Variants in PRPF8 observed in about 807,000 individuals in gnomAD.
PRPF8 encodes pre-mRNA-processing-splicing factor 8.
In PRPF8, 64 loss-of-function variants were observed where a neutral mutation model predicts 285.9. The ratio of observed to expected loss-of-function variants is 0.22; its 90% CI spans 0.18 to 0.28. The LOEUF is 0.28. PRPF8 is among the 10% of genes least tolerant of loss of function. PRPF8 has a pLI of 1.00. For missense variants in PRPF8, 1,426 were observed against 3,026.7 expected, an observed-to-expected ratio of 0.47 and a Z score of 12.41; for synonymous variants, 1,325 against 1,118.2, an observed-to-expected ratio of 1.18 and a Z score of -3.69.
chr17:1,660,365 A>C, intron 30 of PRPF8, 67 bp downstream of exon 30: 1 of 1,607,326 alleles, frequency 6.2e-7, no homozygotes, highest in Non-Finnish European at 8.5e-7. Flanking sequence ...TCTGTACAGT[A>C]CCCTCTCCCC....
intron 39 of PRPF8, chr17:1,652,607 A>C (rs975280327): frequency 6.5e-6 from 1 of 153,576 alleles, no homozygotes; most frequent in African/African-American, 2.4e-5. Context: ...AGGCAGTGAC[A>C]TGATCTCAGC....
chr17:1,662,593 G>GAAA (rs113600062), intron 24 of PRPF8, among the ~76,000 whole-genome samples: 10 of 132,824 alleles, frequency 7.5e-5, no homozygotes, highest in African/African-American at 2.8e-4. Flanking sequence ...CATCTCAGGG[G>GAAA]AAAAAAAAAA....
At chr17:1,654,663 GCT>G (rs1911259867) in intron 37 of PRPF8, 1 of 174,168 alleles carries the variant, frequency 5.7e-6, no homozygotes. Context: ...CAAGAGTCTC[GCT>G]CTGTTACCCA....
rs780328989 is a variant in PRPF8, at chr17:1,651,324, G to A, written c.6651-14C>T. On this transcript the variant is annotated splice_polypyrimidine_tract_variant and intron_variant, in intron 41 of 42. Transcript: ENST00000304992. This position sits in a 1 kb window ranked among gnomAD's most constrained non-coding sequence, Gnocchi z 5.1. ...CCTGGCGTGAAGCTGGGGGAGGAAC[G>A]AGGACAGAGTAACAGCTCAGGCCAC... is the stretch of plus-strand genomic sequence containing the variant. 65 of 1,613,976 alleles carry A rather than the reference G, an allele frequency of 4.0e-5. No homozygotes were observed. The Middle Eastern group carries it at 1.2e-3, about 29-fold the overall frequency.
rs552188159 is a variant in PRPF8, at chr17:1,675,502, C to A, written c.2872+118G>T. On this transcript the variant is annotated intron_variant, in intron 19 of 42. Coordinates refer to ENST00000304992, the MANE Select transcript of PRPF8 (RefSeq NM_006445.4). This position sits in a 1 kb window ranked among gnomAD's most constrained non-coding sequence, Gnocchi z 6.0. Reference sequence around the variant, plus strand: ...TTTCCTCAGTTTAACACGAACACTACTTCCCTTTACTACCACGCATCAAGA... The same window carrying A: ...TTTCCTCAGTTTAACACGAACACTAATTCCCTTTACTACCACGCATCAAGA... 2.7e-5 allele frequency: 39 copies of A among 1,465,708 alleles called. No homozygotes were observed. In the South Asian group the frequency reaches 4.2e-4, roughly 16 times the overall value. The allele number at this position is 1,465,708 out of a possible 1,614,324, so 90.8% of individuals were successfully genotyped here. A position where few individuals can be genotyped will look rare whatever the true frequency, so the allele number is the denominator to read the frequency against.
chr17:1,675,690 G>C lies in PRPF8; in HGVS notation c.2802C>G (p.Arg934=). 7 of 1,614,142 alleles carry C rather than the reference G, an allele frequency of 4.3e-6. No individual in the cohort carries two copies. Among genetic ancestry groups the C allele is most frequent in the Non-Finnish European group, 5.9e-6 (7 of 1,180,036 alleles). The part of the protein sequence containing the change: ...QYLWYEADKR[R]LFPPWIKPAD... ...CAGGCTTAATCCAGGGTGGGAACAGGCGGCGCTTGTCGGCTTCATACCACA... is the reference window on the plus strand; with the variant it reads ...CAGGCTTAATCCAGGGTGGGAACAGCCGGCGCTTGTCGGCTTCATACCACA... The change falls in exon 19 of 43, where the codon CGC becomes CGG. Residue 934 remains arginine (R), a synonymous_variant. Transcript: ENST00000304992. The surrounding 1 kb of genome is among the most constrained non-coding windows in gnomAD (Gnocchi z 6.0).
At chr17:1,670,153 A>G (rs768422795) in intron 24 of PRPF8, among the ~76,000 whole-genome samples, 16 of 152,228 alleles carry the variant, frequency 1.1e-4, no homozygotes, top group Middle Eastern at 3.2e-3. Context: ...ACATGTGTAT[A>G]TATGTACTTA....
Position 1,674,441 on chromosome 17 carries a change from C to T in PRPF8, c.3299+1G>A. ...GGCTAGGAATCCAGGAAAGCCCTCACCTGAAAAAAATATGGATGCGATCAA... is the reference window on the plus strand; with the variant it reads ...GGCTAGGAATCCAGGAAAGCCCTCATCTGAAAAAAATATGGATGCGATCAA... On this transcript the variant is annotated splice_donor_variant, in intron 21 of 42. Transcript: ENST00000304992. LOFTEE classifies it high-confidence loss of function. 6.2e-7 allele frequency: 1 copy of T among 1,613,932 alleles called. No individual in the cohort carries two copies. Among genetic ancestry groups the T allele is most frequent in the Non-Finnish European group, 8.5e-7 (1 of 1,179,860 alleles).
At chr17:1,677,465 T>C (rs1300993251) in intron 14 of PRPF8, 100 bp downstream of exon 14, 13 of 1,555,280 alleles carry the variant, frequency 8.4e-6, no homozygotes, top group East Asian at 4.5e-5. Context: ...GGCAATCCAG[T>C]AGGAAGAGTG....
At chr17:1,662,912 GGTAA>G (rs1173020481) in intron 24 of PRPF8, among the ~76,000 whole-genome samples, 1 of 150,942 alleles carries the variant, frequency 6.6e-6, no homozygotes, top group Non-Finnish European at 1.5e-5. Flanking sequence ...CACCAGAAAT[GGTAA>G]GTATGTGGGT....
chr17:1,679,546 T>C lies in PRPF8; in HGVS notation c.1289+63A>G. ...TTAAAAAAAAGGCTACATGCCCACCTAGTTGGAGTCTTTTCTCCTACACAT... is the reference window on the plus strand; with the variant it reads ...TTAAAAAAAAGGCTACATGCCCACCCAGTTGGAGTCTTTTCTCCTACACAT... On this transcript the variant is annotated intron_variant, in intron 9 of 42. Transcript: ENST00000304992. This position sits in a 1 kb window ranked among gnomAD's most constrained non-coding sequence, Gnocchi z 4.7. The C allele has an allele frequency of 6.2e-7, 1 of 1,601,102 alleles. No individual in the cohort carries two copies. Among genetic ancestry groups the C allele is most frequent in the Non-Finnish European group, 8.5e-7 (1 of 1,174,558 alleles).
chr17:1,665,872 A>C (rs998340981), intron 24 of PRPF8, among the ~76,000 whole-genome samples: 1 of 150,568 alleles, frequency 6.6e-6, no homozygotes, highest in African/African-American at 2.4e-5. Context: ...AAAAAGAGAA[A>C]GGTCCAGGCC....
At position 1,676,209 on chromosome 17, in the gene PRPF8, A is replaced by G. The variant is rs184906202; in HGVS notation, c.2550T>C (p.Tyr850=). Reference sequence around the variant, plus strand: ...AACCTATCTACCCTACTACTCACCTATAAGCTTCCTTGAGCCGCTCCAATG... The same window carrying G: ...AACCTATCTACCCTACTACTCACCTGTAAGCTTCCTTGAGCCGCTCCAATG... ...ILALERLKEA[Y]SVKSRLNQSQ... is the part of the protein sequence containing the mutation. Residue 850 remains tyrosine (Y), a splice_region_variant and synonymous_variant, in exon 17 of 43, where the codon TAT becomes TAC. Coordinates refer to ENST00000304992, the MANE Select transcript of PRPF8 (RefSeq NM_006445.4). This position sits in a 1 kb window ranked among gnomAD's most constrained non-coding sequence, Gnocchi z 6.3. The G allele has an allele frequency of 1.2e-6, 2 of 1,613,504 alleles. No individual in the cohort carries two copies. The highest frequency in any genetic ancestry group is 1.7e-5 in the Admixed American group (1 of 59,998).
intron 29 of PRPF8, 22 bp from the exon 30 acceptor site, chr17:1,660,600 G>C (rs768830859): frequency 1.9e-5 from 30 of 1,614,044 alleles, no homozygotes; most frequent in Non-Finnish European, 2.5e-5. Flanking sequence ...ACGACAATGT[G>C]ACATTAGAGA....
intron 13 of PRPF8, among the ~76,000 whole-genome samples, 153 bp from the exon 14 acceptor site, chr17:1,677,847 A>G (rs1323441734): frequency 6.6e-6 from 1 of 152,118 alleles, no homozygotes; most frequent in African/African-American, 2.4e-5. Context: ...AAACTCTGGG[A>G]CCTCAACATC....
At chr17:1,655,023 A>T (rs911292062) in intron 37 of PRPF8, 54 of 328,192 alleles carry the variant, frequency 1.6e-4, no homozygotes, top group Non-Finnish European at 2.5e-4. Context: ...CAGTGGCATG[A>T]TCTCGGCTCA....
In PRPF8 at chr17:1,681,593, C is replaced by A. The variant is rs768027926; in HGVS notation, c.751G>T (p.Asp251Tyr). 1.2e-6 allele frequency: 2 copies of A among 1,614,002 alleles called. No individual in the cohort carries two copies. The highest frequency in any genetic ancestry group is 1.7e-6 in the Non-Finnish European group (2 of 1,179,898). The change falls in exon 6 of 43, where the codon GAT becomes TAT. Residue 251 changes from aspartate (D) to tyrosine (Y), a missense_variant. Around this residue, in one of 34 missense-constraint regions of PRPF8, gnomAD observed 157 missense variants for 159.6 expected, o/e 0.98. Coordinates refer to ENST00000304992, the MANE Select transcript of PRPF8 (RefSeq NM_006445.4). Reference protein sequence around the residue: ...LANQLLTDLVDDNYFYLFDLK... With the variant: ...LANQLLTDLVYDNYFYLFDLK... Reference sequence around the variant, plus strand: ...TCAAACAGGTAGAAGTAGTTGTCATCCACCAAGTCTGTCAGGAGCTGATTA... The same window carrying A: ...TCAAACAGGTAGAAGTAGTTGTCATACACCAAGTCTGTCAGGAGCTGATTA...
At position 1,675,097 on chromosome 17, in the gene PRPF8, G is replaced by A; in HGVS notation, c.3060+55C>T. ...CTCCTCCTCAGCAAATTCTGAGTCA[G>A]TGGGCCAGACAAGCACTCCACACAC... On this transcript the variant is annotated intron_variant, in intron 20 of 42. Transcript: ENST00000304992. This position sits in a 1 kb window ranked among gnomAD's most constrained non-coding sequence, Gnocchi z 6.0. The A allele has an allele frequency of 1.9e-6, 3 of 1,604,916 alleles. No homozygotes were observed. In the South Asian group the frequency reaches 3.3e-5, roughly 18 times the overall value.
rs567892702 is a variant in PRPF8 at position 1,682,418 on chromosome 17, C to T, written c.270-125G>A. The T allele has an allele frequency of 8.9e-6, 11 of 1,236,770 alleles. No individual in the cohort carries two copies. The East Asian group carries it at 2.3e-4, about 26-fold the overall frequency. The allele number at this position is 1,236,770 out of a possible 1,614,324, so 76.6% of individuals were successfully genotyped here. On this transcript the variant is annotated intron_variant, in intron 3 of 42. Coordinates refer to ENST00000304992, the MANE Select transcript of PRPF8 (RefSeq NM_006445.4). ...TTACAATCCAAACTCCCAAACTTAGCCCACAGGCCCTTCCTAACCAGAAAC... is the reference window on the plus strand; with the variant it reads ...TTACAATCCAAACTCCCAAACTTAGTCCACAGGCCCTTCCTAACCAGAAAC...
Sources: gnomAD v4.1 joint callset for allele counts (sites outside exome capture counted in the v4.1 genomes callset) on GRCh38, gnomAD v4.1.1 for gene constraint, gnomAD v4.1.1 regional missense constraint, Gnocchi (gnomAD v3.1) non-coding constraint, MANE v1.5 for transcripts, NCBI Gene and HGNC (gene_info 2026-07-23, HGNC 2026-07-21) for gene names.